Variants in ITGB7 observed in about 807,000 individuals in gnomAD.
The protein encoded by ITGB7 is integrin beta-7.
In ITGB7, 55 loss-of-function variants were observed where a neutral mutation model predicts 83.4. The ratio of observed to expected loss-of-function variants is 0.66; its 90% confidence interval spans 0.53 to 0.83. The LOEUF is 0.83. Ranked by LOEUF, ITGB7 falls within the 40% of genes least tolerant of loss-of-function variation. ITGB7 has a pLI of 0.00. For missense variants in ITGB7, 921 were observed against 1,046.7 expected, an observed-to-expected ratio of 0.88 and a Z score of 1.66; for synonymous variants, 454 against 423.6, an observed-to-expected ratio of 1.07 and a Z score of -0.88.
In ITGB7 at chr12:53,191,497, C is replaced by T; in HGVS notation, c.*59G>A. 1 of 1,362,782 alleles carries T rather than the reference C, an allele frequency of 7.3e-7. No individual in the cohort carries two copies. Among genetic ancestry groups the T allele is most frequent in the Non-Finnish European group, 1.1e-6 (1 of 950,920 alleles). The allele number at this position is 1,362,782 out of a possible 1,614,324, so 84.4% of individuals were successfully genotyped here. ...TCTTACAGACCCACCCTTCCTCTCA[C>T]CCTCCAGTTCCCACTGTCCTCCAAG... On this transcript the variant is annotated 3_prime_UTR_variant, in exon 16 of 16. Coordinates refer to ENST00000267082, the MANE Select transcript of ITGB7 (RefSeq NM_000889.3).
chr12:53,198,039 T>C, intron 3 of ITGB7, 88 bp from the exon 4 acceptor site: 1 of 1,033,056 alleles, frequency 9.7e-7, no homozygotes, highest in East Asian at 2.9e-5. Context: ...CCCGGCCACC[T>C]CTAATGCCCC....
chr12:53,200,666 T>G (rs11574531), intron 2 of ITGB7, among the ~76,000 whole-genome samples: 29,670 of 152,092 alleles, frequency 0.2, 4,995 homozygotes, highest in East Asian at 0.45. Context: ...TGGTGGCTCA[T>G]GCCTGTTATC....
rs532199697 is a variant in ITGB7 at position 53,193,155 on chromosome 12, C to T, written c.1711G>A (p.Gly571Ser). 4 of 1,611,256 alleles carry T rather than the reference C, an allele frequency of 2.5e-6. No homozygotes were observed. Among genetic ancestry groups the T allele is most frequent in the Non-Finnish European group, 3.4e-6 (4 of 1,177,946 alleles). Residue 571 changes from glycine to serine, a missense_variant, in exon 12 of 16, where the codon GGC (glycine) becomes AGC (serine). By Grantham distance (56) the Gly-to-Ser change is moderately conservative (BLOSUM62 0). Coordinates refer to ENST00000267082, the MANE Select transcript of ITGB7 (RefSeq NM_000889.3). ...CTCCAGGTACCTCCGCAGAGGATGC[C>T]CTCATGTCGCTCACAGCTGGCATCG... is the stretch of plus-strand genomic sequence containing the variant. ...CDDASCERHE[G>S]ILCGGFGRCQ...
intron 3 of ITGB7, among the ~76,000 whole-genome samples, chr12:53,199,208 C>T (rs1015621235): frequency 1.3e-5 from 2 of 152,146 alleles, no homozygotes; most frequent in African/African-American, 4.8e-5. Flanking sequence ...GGCAGACCTG[C>T]CCCCATCCCA....
chr12:53,202,487 T>C (rs1942343157), intron 1 of ITGB7, among the ~76,000 whole-genome samples: 1 of 152,010 alleles, frequency 6.6e-6, no homozygotes, highest in South Asian at 2.1e-4. Context: ...CCCAAGTATC[T>C]GGGACTACAG....
At position 53,193,738 on chromosome 12, in the gene ITGB7, C is replaced by T; in HGVS notation, c.1472G>A (p.Gly491Asp). 3 of 1,613,500 alleles carry T rather than the reference C, an allele frequency of 1.9e-6. No homozygotes were observed. In the East Asian group the frequency reaches 6.7e-5, roughly 36 times the overall value. The change falls in exon 11 of 16, where the codon GGC becomes GAC. Residue 491 changes from glycine to aspartate, a missense_variant. Physicochemically the swap from Gly to Asp is moderately conservative, Grantham distance 94. Transcript: ENST00000267082. Reference sequence around the variant, plus strand: ...TACACCACATTGTAGGTGTCCCTGGCCATCACTGCAGTGGGGAGCCTGGGG... The same window carrying T: ...TACACCACATTGTAGGTGTCCCTGGTCATCACTGCAGTGGGGAGCCTGGGG... ...TQPQAPHCSD[G>D]QGHLQCGVCS...
chr12:53,193,447 A>G (rs1047183768), intron 11 of ITGB7, 84 bp from the exon 12 acceptor site: 3 of 1,000,544 alleles, frequency 3.0e-6, no homozygotes, highest in African/African-American at 3.3e-5. Context: ...TCTAAACCCA[A>G]GTTCTCAAAA....
At chr12:53,192,186 T>A in intron 14 of ITGB7, 144 bp downstream of exon 14, 4 of 1,190,042 alleles carry the variant, frequency 3.4e-6, no homozygotes, top group Non-Finnish European at 4.7e-6. Flanking sequence ...CCTCGTCCAC[T>A]TGCTCAATTG....
intron 1 of ITGB7, among the ~76,000 whole-genome samples, chr12:53,202,952 A>G (rs751436009): frequency 2.0e-5 from 3 of 152,206 alleles, no homozygotes; most frequent in Non-Finnish European, 4.4e-5. Flanking sequence ...AAAGCCCTAA[A>G]TATAACTACT....
intron 1 of ITGB7, 121 bp from the exon 2 acceptor site, chr12:53,201,315 T>C (rs1942317257): frequency 6.6e-6 from 1 of 152,122 alleles, no homozygotes; most frequent in African/African-American, 2.4e-5. Flanking sequence ...CTGGAGCAGA[T>C]GAGGGAGTGT....
chr12:53,192,648 C>T, intron 13 of ITGB7, 43 bp downstream of exon 13: 2 of 1,601,908 alleles, frequency 1.2e-6, no homozygotes, highest in Non-Finnish European at 1.7e-6. Context: ...TCAACAAGCC[C>T]CACTGTGCCC....
chr12:53,198,418 C>CTTT (rs35054224), intron 3 of ITGB7, among the ~76,000 whole-genome samples: 2 of 145,892 alleles, frequency 1.4e-5, no homozygotes, highest in Non-Finnish European at 3.0e-5. Flanking sequence ...ACCACCACGC[C>CTTT]TTTTTTTTTT....
At chr12:53,200,555 C>CT (rs1388043949) in intron 2 of ITGB7, 109 bp from the exon 3 acceptor site, 2 of 818,434 alleles carry the variant, frequency 2.4e-6, no homozygotes, top group Admixed American at 2.3e-5. Flanking sequence ...TGCCCCAACA[C>CT]TTTATCTCCC....
At position 53,192,797 on chromosome 12, in the gene ITGB7, TGCAGAGCCCTCCCTCG is replaced by T. The variant is rs770821863; in HGVS notation, c.1824_1839del (p.Glu609ValfsTer62). 6.2e-7 allele frequency: 1 copy of T among 1,614,216 alleles called. No homozygotes were observed. The highest frequency in any genetic ancestry group is 1.1e-5 in the South Asian group (1 of 91,090). On this transcript the variant is annotated frameshift_variant, in exon 13 of 16. Transcript: ENST00000267082. LOFTEE classifies it high-confidence loss of function. Reference sequence around the variant, plus strand: ...TTGCATTTGCAGCGTCCATGCCCACTGCAGAGCCCTCCCTCGGGACTGATGCAACTGTCCATGTCCC... The same window carrying T: ...TTGCATTTGCAGCGTCCATGCCCACTGGACTGATGCAACTGTCCATGTCCC...
Position 53,191,488 on chromosome 12 carries a change from T to A in ITGB7, c.*68A>T. On this transcript the variant is annotated 3_prime_UTR_variant, in exon 16 of 16. Transcript: ENST00000267082. ...CTACCAAGGTCTTACAGACCCACCC[T>A]TCCTCTCACCCTCCAGTTCCCACTG... 7.8e-7 allele frequency: 1 copy of A among 1,278,096 alleles called. No individual in the cohort carries two copies. Among genetic ancestry groups the A allele is most frequent in the Non-Finnish European group, 1.1e-6 (1 of 874,196 alleles). The allele number at this position is 1,278,096 out of a possible 1,614,324, so 79.2% of individuals were successfully genotyped here.
Position 53,207,208 on chromosome 12 carries a change from G to C in ITGB7, c.-133C>G, listed in dbSNP as rs377332270. The C allele has an allele frequency of 6.5e-6, 1 of 152,748 alleles. No individual in the cohort carries two copies. Among genetic ancestry groups the C allele is most frequent in the Non-Finnish European group, 1.5e-5 (1 of 68,140 alleles). The allele number at this position is 152,748 out of a possible 1,614,324, so 9.5% of individuals were successfully genotyped here. On this transcript the variant is annotated 5_prime_UTR_variant, in exon 1 of 16. Coordinates refer to ENST00000267082, the MANE Select transcript of ITGB7 (RefSeq NM_000889.3). The stretch of plus-strand genomic sequence containing the variant: ...CTGGTGCCCTGGTACTCACAGGTGC[G>C]TGCAGAGCAGTCCTTCCTCTGGCGG...
chr12:53,206,800 C>G (rs1680383446), intron 1 of ITGB7: 1 of 152,350 alleles, frequency 6.6e-6, no homozygotes, highest in African/African-American at 2.4e-5. Context: ...AGGAAGAAGT[C>G]TGAGCTGAAG....
chr12:53,194,961 TTTG>T (rs1296579323), intron 9 of ITGB7: 2 of 193,474 alleles, frequency 1.0e-5, no homozygotes, highest in African/African-American at 2.3e-5. Context: ...AGCCCTTCTG[TTTG>T]TTATCTTTGT....
chr12:53,193,341 G>A lies in ITGB7; in HGVS notation c.1525C>T (p.Arg509Trp), dbSNP rs754399881. Residue 509 changes from arginine to tryptophan, a missense_variant, in exon 12 of 16, where the codon CGG becomes TGG. Arg to Trp is a moderately radical substitution (Grantham distance 101). Transcript: ENST00000267082. ...VCSCAPGRLG[R>W]LCECSVAELS... Reference sequence around the variant, plus strand: ...TCTGCCACAGAGCACTCACAGAGCCGACCTAGGCGGCCAGGGGCACAGCTG... The same window carrying A: ...TCTGCCACAGAGCACTCACAGAGCCAACCTAGGCGGCCAGGGGCACAGCTG... The A allele has an allele frequency of 3.1e-6, 5 of 1,590,488 alleles. No homozygotes were observed. The highest frequency in any genetic ancestry group is 1.1e-5 in the South Asian group (1 of 89,106).
Sources: allele counts gnomAD v4.1 joint callset (sites outside exome capture counted in the v4.1 genomes callset), GRCh38; gene constraint gnomAD v4.1.1; transcripts MANE v1.5; gene names NCBI Gene and HGNC (gene_info 2026-07-23, HGNC 2026-07-21).